CAPS: variants seen among roughly 807,000 people sequenced by gnomAD.
CAPS encodes the protein calcyphosin.
A neutral mutation model predicts 15.5 loss-of-function variants in CAPS; 16 were observed. The observed-to-expected ratio is 1.03, with a 90% CI of 0.70 to 1.57. The LOEUF (loss-of-function observed/expected upper bound fraction) is 1.57. Ranked by LOEUF, CAPS falls within the 40% of genes most tolerant of loss-of-function variation. The probability of loss-of-function intolerance (pLI) is 0.00; values close to 1 mark genes in which losing one functional copy is unlikely to be tolerated. For missense variants in CAPS, 294 were observed against 278.4 expected, an observed-to-expected ratio of 1.06 and a Z score of -0.40; for synonymous variants, 121 against 116.0, an observed-to-expected ratio of 1.04 and a Z score of -0.28.
In CAPS at chr19:5,914,413, G is replaced by A. The variant is rs1045353127; in HGVS notation, c.7G>A (p.Ala3Thr). 2.4e-5 allele frequency: 39 copies of A among 1,613,124 alleles called. No individual in the cohort carries two copies. The highest frequency in any genetic ancestry group is 3.1e-5 in the Non-Finnish European group (36 of 1,179,970). ...CCCAGAGCCCAGACCAAGCATGGAC[G>A]CCGTGGATGCCACCATGGAGAAACT... is the stretch of plus-strand genomic sequence containing the variant. The part of the protein sequence containing the change: MD[A>T]VDATMEKLRA... The change falls in exon 2 of 5, where the codon GCC (alanine) becomes ACC (threonine). Residue 3 changes from alanine (A) to threonine (T), a missense_variant. Ala to Thr is a moderately conservative substitution (Grantham distance 58). Transcript: ENST00000588776.
chr19:5,914,961 G>A lies in CAPS; in HGVS notation c.283G>A (p.Glu95Lys), dbSNP rs1223232990. 6.2e-7 allele frequency: 1 copy of A among 1,607,264 alleles called. No individual in the cohort carries two copies. Among genetic ancestry groups the A allele is most frequent in the Middle Eastern group, 1.7e-4 (1 of 5,910 alleles). ...ALRPPMSQAR[E>K]AVIAAAFAKL... is the part of the protein sequence containing the mutation. ...CCAGCCCCCCATGTCCCAGGCCCGGGAGGCTGTCATCGCAGCTGCATTTGC... is the reference window on the plus strand; with the variant it reads ...CCAGCCCCCCATGTCCCAGGCCCGGAAGGCTGTCATCGCAGCTGCATTTGC... Residue 95 changes from glutamate to lysine, a missense_variant, in exon 4 of 5, where the codon GAG (glutamate) becomes AAG (lysine). Physicochemically the swap from Glu to Lys is moderately conservative, Grantham distance 56 (BLOSUM62 1). Coordinates refer to ENST00000588776, the MANE Select transcript of CAPS (RefSeq NM_004058.5).
In CAPS at chr19:5,914,571, G is replaced by A. The variant is rs139468180; in HGVS notation, c.92G>A (p.Arg31His). 1.1e-4 allele frequency: 181 copies of A among 1,604,816 alleles called. No individual in the cohort carries two copies. The highest frequency in any genetic ancestry group is 3.4e-4 in the Admixed American group (20 of 59,342). ...GTGTCCCCTGCCTCCAGGTTTTTCC[G>A]CCAACTAGACCGGGACGGGAGCAGA... ...SGIQGLARFFRQLDRDGSRSL... is the reference protein window; with the variant it reads ...SGIQGLARFFHQLDRDGSRSL... The change falls in exon 3 of 5, where the codon CGC (arginine) becomes CAC (histidine). Residue 31 changes from arginine to histidine, a missense_variant. By Grantham distance (29) the Arg-to-His change is conservative. Coordinates refer to ENST00000588776, the MANE Select transcript of CAPS (RefSeq NM_004058.5).
Position 5,915,012 on chromosome 19 carries a change from G to A in CAPS, c.334G>A (p.Val112Ile), listed in dbSNP as rs780816800. ...CAAGCTGGACCGCAGTGGGGACGGC[G>A]TCGTGACGGTGGACGACCTCCGCGG... ...FAKLDRSGDG[V>I]VTVDDLRGVY... is the part of the protein sequence containing the mutation. Residue 112 changes from valine (V) to isoleucine (I), a missense_variant, in exon 4 of 5, where the codon GTC becomes ATC. Coordinates refer to ENST00000588776, the MANE Select transcript of CAPS (RefSeq NM_004058.5). 11 of 1,611,928 alleles carry A rather than the reference G, an allele frequency of 6.8e-6. No individual in the cohort carries two copies. The highest frequency in any genetic ancestry group is 2.7e-5 in the African/African-American group (2 of 74,914).
chr19:5,914,523 C>T (rs370197698), intron 2 of CAPS, 34 bp downstream of exon 2: 2 of 1,605,018 alleles, frequency 1.2e-6, no homozygotes, highest in Non-Finnish European at 1.7e-6. Context: ...CTGACCCCGG[C>T]CCCTGAGACC....
intron 1 of CAPS, 21 bp from the exon 2 acceptor site, chr19:5,914,364 C>G (rs755801187): frequency 1.3e-4 from 212 of 1,612,864 alleles, no homozygotes; most frequent in South Asian, 2.1e-4. Flanking sequence ...GAGTCCCCAC[C>G]TTGACCTCTC....
rs779977136 is a variant in CAPS, at chr19:5,914,750, C to A, written c.261+10C>A. 2 of 1,602,440 alleles carry A rather than the reference C, an allele frequency of 1.2e-6. No individual in the cohort carries two copies. Among genetic ancestry groups the A allele is most frequent in the East Asian group, 4.5e-5 (2 of 44,772 alleles). ...CCTTCGGGCGCTGCGGGTGAGCCCC[C>A]ACCTCACAGTCAAGGCGTGTGCCCT... On this transcript the variant is annotated intron_variant, in intron 3 of 4. Transcript: ENST00000588776.
Position 5,914,440 on chromosome 19 carries a change from C to T in CAPS, c.34C>T (p.Arg12Trp), listed in dbSNP as rs769914886. Residue 12 changes from arginine to tryptophan, a missense_variant, in exon 2 of 5, where the codon CGG becomes TGG. By Grantham distance (101) the Arg-to-Trp change is moderately radical. Coordinates refer to ENST00000588776, the MANE Select transcript of CAPS (RefSeq NM_004058.5). The part of the protein sequence containing the change: ...DAVDATMEKL[R>W]AQCLSRGASG... ...CGTGGATGCCACCATGGAGAAACTC[C>T]GGGCACAGTGCCTGTCCCGCGGGGC... 13 of 1,613,158 alleles carry T rather than the reference C, an allele frequency of 8.1e-6. No homozygotes were observed. The highest frequency in any genetic ancestry group is 1.6e-4 in the Middle Eastern group (1 of 6,062).
chr19:5,915,916 C>G lies in CAPS; in HGVS notation c.*594C>G, dbSNP rs2057731037. 1 of 153,436 alleles carries G rather than the reference C, an allele frequency of 6.5e-6. No individual in the cohort carries two copies. Among genetic ancestry groups the G allele is most frequent in the African/African-American group, 2.4e-5 (1 of 41,364 alleles). The allele number at this position is 153,436 out of a possible 1,614,324, so 9.5% of individuals were successfully genotyped here. A position where few individuals can be genotyped will look rare whatever the true frequency, so the allele number is the denominator to read the frequency against. On this transcript the variant is annotated 3_prime_UTR_variant, in exon 5 of 5. Coordinates refer to ENST00000588776, the MANE Select transcript of CAPS (RefSeq NM_004058.5). ...CTACATTCTGGTGAGCGGCCCGAGG[C>G]TGGGAGCTCTGGGCGGGGGCAGACC...
chr19:5,915,564 C>A lies in CAPS; in HGVS notation c.*242C>A. Reference sequence around the variant, plus strand: ...CCCAGGGAGAAACGCTCTCCCCACCCACGCCATGCTGACCAGAGATCTTGC... The same window carrying A: ...CCCAGGGAGAAACGCTCTCCCCACCAACGCCATGCTGACCAGAGATCTTGC... On this transcript the variant is annotated 3_prime_UTR_variant, in exon 5 of 5. Transcript: ENST00000588776. 1 of 501,742 alleles carries A rather than the reference C, an allele frequency of 2.0e-6. No homozygotes were observed. The highest frequency in any genetic ancestry group is 3.6e-6 in the Non-Finnish European group (1 of 278,744). The allele number at this position is 501,742 out of a possible 1,614,324, so 31.1% of individuals were successfully genotyped here.
intron 2 of CAPS, 36 bp downstream of exon 2, chr19:5,914,525 C>T (rs199640174): frequency 7.8e-4 from 1,260 of 1,605,396 alleles, no homozygotes; most frequent in Non-Finnish European, 1.0e-3. Context: ...GACCCCGGCC[C>T]CTGAGACCAC....
rs765475946 is a variant in CAPS, at chr19:5,915,599, G to A, written c.*277G>A. 1.3e-5 allele frequency: 5 copies of A among 381,496 alleles called. No individual in the cohort carries two copies. Among genetic ancestry groups the A allele is most frequent in the Non-Finnish European group, 2.4e-5 (5 of 207,988 alleles). The allele number at this position is 381,496 out of a possible 1,614,324, so 23.6% of individuals were successfully genotyped here. A position where few individuals can be genotyped will look rare whatever the true frequency, so the allele number is the denominator to read the frequency against. ...TGACCAGAGATCTTGCAGCCCCTGT[G>A]GATGCCCCCGCCGAGGTCCCCCGAT... is the stretch of plus-strand genomic sequence containing the variant. On this transcript the variant is annotated 3_prime_UTR_variant, in exon 5 of 5. Coordinates refer to ENST00000588776, the MANE Select transcript of CAPS (RefSeq NM_004058.5).
chr19:5,915,438 G>C lies in CAPS; in HGVS notation c.*116G>C, dbSNP rs371184180. The C allele has an allele frequency of 1.0e-4, 76 of 744,644 alleles. No individual in the cohort carries two copies. The African/African-American group carries it at 1.2e-3, about 12-fold the overall frequency. 46.1% of individuals were successfully genotyped at this position (744,644 alleles called of 1,614,324 possible). On this transcript the variant is annotated 3_prime_UTR_variant, in exon 5 of 5. Transcript: ENST00000588776. The stretch of plus-strand genomic sequence containing the variant: ...CCACACCACAGAGCGGGGAGGGGCA[G>C]GTGGGGGAATGGAGGCTGCAGGACT...
rs760950290 is a variant in CAPS, at chr19:5,915,086, C to T, written c.408C>T (p.Thr136=). 1.5e-5 allele frequency: 25 copies of T among 1,613,080 alleles called. No homozygotes were observed. The highest frequency in any genetic ancestry group is 9.3e-5 in the African/African-American group (7 of 74,930). The change falls in exon 4 of 5, where the codon ACC becomes ACT. Residue 136 remains threonine (T), a synonymous_variant. Coordinates refer to ENST00000588776, the MANE Select transcript of CAPS (RefSeq NM_004058.5). ...CCAAGGTGCGCAGTGGGGAGTGGAC[C>T]GAGGACGAGGTGCTGCGCCGCTTCC... ...AHPKVRSGEW[T]EDEVLRRFLD... is the part of the protein sequence containing the mutation.
chr19:5,914,937 C>T lies in CAPS; in HGVS notation c.262-3C>T, dbSNP rs939997811. 1 of 1,601,342 alleles carries T rather than the reference C, an allele frequency of 6.2e-7. No homozygotes were observed. Among genetic ancestry groups the T allele is most frequent in the Non-Finnish European group, 8.5e-7 (1 of 1,178,450 alleles). ...CACCCCCAGTCACCACCTCCTGTCCCAGCCCCCCATGTCCCAGGCCCGGGA... is the reference window on the plus strand; with the variant it reads ...CACCCCCAGTCACCACCTCCTGTCCTAGCCCCCCATGTCCCAGGCCCGGGA... On this transcript the variant is annotated splice_region_variant and splice_polypyrimidine_tract_variant and intron_variant, in intron 3 of 4. Transcript: ENST00000588776.
chr19:5,914,711 G>A lies in CAPS; in HGVS notation c.232G>A (p.Asp78Asn). The change falls in exon 3 of 5, where the codon GAT becomes AAT. Residue 78 changes from aspartate to asparagine, a missense_variant. Coordinates refer to ENST00000588776, the MANE Select transcript of CAPS (RefSeq NM_004058.5). ...GGACCGCAATGGCAGCGGGACGCTG[G>A]ATCTGGAGGAGTTCCTTCGGGCGCT... ...KWDRNGSGTLDLEEFLRALRP... is the reference protein window; with the variant it reads ...KWDRNGSGTLNLEEFLRALRP... 6.2e-7 allele frequency: 1 copy of A among 1,613,174 alleles called. No individual in the cohort carries two copies. Among genetic ancestry groups the A allele is most frequent in the South Asian group, 1.1e-5 (1 of 90,982 alleles).
In CAPS at chr19:5,914,375, T is replaced by C. The variant is rs778350714; in HGVS notation, c.-22-10T>C. On this transcript the variant is annotated splice_polypyrimidine_tract_variant and intron_variant, in intron 1 of 4. Transcript: ENST00000588776. The stretch of plus-strand genomic sequence containing the variant: ...GCGGGAGTCCCCACCTTGACCTCTC[T>C]CCCTTCCAGCTGCCCAGAGCCCAGA... 6.2e-6 allele frequency: 10 copies of C among 1,612,856 alleles called. No individual in the cohort carries two copies. Among genetic ancestry groups the C allele is most frequent in the Non-Finnish European group, 8.5e-6 (10 of 1,179,936 alleles).
chr19:5,914,943 C>A lies in CAPS; in HGVS notation c.265C>A (p.Pro89Thr), dbSNP rs1329057968. 3.7e-6 allele frequency: 6 copies of A among 1,603,162 alleles called. No individual in the cohort carries two copies. Among genetic ancestry groups the A allele is most frequent in the Non-Finnish European group, 5.1e-6 (6 of 1,179,072 alleles). ...CAGTCACCACCTCCTGTCCCAGCCC[C>A]CCATGTCCCAGGCCCGGGAGGCTGT... ...LEEFLRALRPPMSQAREAVIA... is the reference protein window; with the variant it reads ...LEEFLRALRPTMSQAREAVIA... The change falls in exon 4 of 5, where the codon CCC becomes ACC. Residue 89 changes from proline (P) to threonine (T), a missense_variant. Pro to Thr is a conservative substitution (Grantham distance 38). Coordinates refer to ENST00000588776, the MANE Select transcript of CAPS (RefSeq NM_004058.5).
At position 5,915,148 on chromosome 19, in the gene CAPS, T is replaced by G. The variant is rs1474995735; in HGVS notation, c.468+2T>G. On this transcript the variant is annotated splice_donor_variant, in intron 4 of 4. Coordinates refer to ENST00000588776, the MANE Select transcript of CAPS (RefSeq NM_004058.5). LOFTEE classifies it high-confidence loss of function. Reference sequence around the variant, plus strand: ...GACTCCTCTGAGAAGGACGGGCAGGTGGGTGGCTGCGCGGGGGGCCCCCTC... The same window carrying G: ...GACTCCTCTGAGAAGGACGGGCAGGGGGGTGGCTGCGCGGGGGGCCCCCTC... 6.2e-7 allele frequency: 1 copy of G among 1,612,602 alleles called. No individual in the cohort carries two copies. Among genetic ancestry groups the G allele is most frequent in the Non-Finnish European group, 8.5e-7 (1 of 1,179,648 alleles).
chr19:5,915,355 G>A lies in CAPS; in HGVS notation c.*33G>A. ...CGGCTCAGCCCTGCTGCCCTGGCCT[G>A]TCACTCCCCACCCCTGCCGGAGACC... is the stretch of plus-strand genomic sequence containing the variant. On this transcript the variant is annotated 3_prime_UTR_variant, in exon 5 of 5. Transcript: ENST00000588776. 6.7e-7 allele frequency: 1 copy of A among 1,496,796 alleles called. No individual in the cohort carries two copies. The highest frequency in any genetic ancestry group is 1.2e-5 in the South Asian group (1 of 84,908). The allele number at this position is 1,496,796 out of a possible 1,614,324, so 92.7% of individuals were successfully genotyped here.
Sources: gnomAD v4.1 joint callset for allele counts on GRCh38, gnomAD v4.1.1 for gene constraint, MANE v1.5 for transcripts, NCBI Gene and HGNC (gene_info 2026-07-23, HGNC 2026-07-21) for gene names.